The following KCNN2 variants were observed in gnomAD, a reference collection of about 807,000 sequenced individuals.
The protein encoded by KCNN2 is potassium calcium-activated channel subfamily N member 2, also known as small conductance calcium-activated potassium channel protein 2.
KCNN2 carries 24 observed loss-of-function variants against 55.5 expected under a neutral mutation model. The observed-to-expected ratio is 0.43, with a 90% confidence interval of 0.31 to 0.61. KCNN2 has a LOEUF of 0.61. Ranked by LOEUF, KCNN2 falls within the 20% of genes least tolerant of loss-of-function variation. The probability of loss-of-function intolerance (pLI) is 0.08; values close to 1 mark genes in which losing one functional copy is unlikely to be tolerated. For synonymous variants in KCNN2, 431 were observed against 336.1 expected (o/e 1.28, Z -3.09); for missense variants, 754 against 853.6 (o/e 0.88, Z 1.45).
At chr5:114,438,959 T>C (rs912016069) in intron 3 of KCNN2, among the ~76,000 whole-genome samples, 14 of 152,196 alleles carry the variant, frequency 9.2e-5, no homozygotes, top group African/African-American at 3.4e-4. Flanking sequence ...AATATGTTAA[T>C]AGAGTGTAAT....
At chr5:114,341,086 C>T (rs1757007507) in intron 2 of KCNN2, among the ~76,000 whole-genome samples, 1 of 152,146 alleles carries the variant, frequency 6.6e-6, no homozygotes, top group South Asian at 2.1e-4. Context: ...ATCCGGTCAT[C>T]CATTGGCAGA....
At chr5:114,460,967 G>A (rs1274272991) in intron 3 of KCNN2, among the ~76,000 whole-genome samples, 5 of 152,166 alleles carry the variant, frequency 3.3e-5, no homozygotes, top group Non-Finnish European at 7.3e-5. Context: ...ATAGGGTAAT[G>A]TATTTCCTGT....
intron 2 of KCNN2, among the ~76,000 whole-genome samples, chr5:114,394,136 A>T (rs1243693038): frequency 6.6e-6 from 1 of 152,182 alleles, no homozygotes; most frequent in African/African-American, 2.4e-5. Context: ...ATGCGTGAGT[A>T]CTGTTTCCTC....
At chr5:114,073,458 C>T (rs1475835616) in intron 1 of KCNN2, among the ~76,000 whole-genome samples, 1 of 152,036 alleles carries the variant, frequency 6.6e-6, no homozygotes, top group East Asian at 1.9e-4. Flanking sequence ...CATATTTTTG[C>T]TATTATAGCT....
At chr5:114,130,517 T>C (rs981510838) in intron 1 of KCNN2, among the ~76,000 whole-genome samples, 2 of 152,194 alleles carry the variant, frequency 1.3e-5, no homozygotes, top group African/African-American at 4.8e-5. Flanking sequence ...GCTCTGTGAA[T>C]TCAGATTCTG....
chr5:114,460,797 G>A (rs1761155694), intron 3 of KCNN2, among the ~76,000 whole-genome samples: 1 of 152,146 alleles, frequency 6.6e-6, no homozygotes. Context: ...CAGTAAGTAT[G>A]GTATGTACAT....
chr5:114,195,216 C>CAA (rs1561517852), intron 1 of KCNN2, among the ~76,000 whole-genome samples: 5 of 147,420 alleles, frequency 3.4e-5, no homozygotes, highest in African/African-American at 1.2e-4. Context: ...TGATTTCTGC[C>CAA]GAAAAAAAAA....
At chr5:114,309,683 G>A (rs1021928226) in intron 2 of KCNN2, among the ~76,000 whole-genome samples, 1 of 152,204 alleles carries the variant, frequency 6.6e-6, no homozygotes, top group Admixed American at 6.5e-5. Context: ...CAGGGATATG[G>A]AAAGTGGGGA....
At chr5:114,147,875 T>C (rs909846578) in intron 1 of KCNN2, among the ~76,000 whole-genome samples, 5 of 152,296 alleles carry the variant, frequency 3.3e-5, no homozygotes, top group East Asian at 3.9e-4. Context: ...GAGTGGCTTG[T>C]TGAATTTTAT....
At chr5:114,142,109 T>A (rs965223239) in intron 1 of KCNN2, among the ~76,000 whole-genome samples, 1 of 152,184 alleles carries the variant, frequency 6.6e-6, no homozygotes, top group Non-Finnish European at 1.5e-5. Context: ...GTAGTTTCTT[T>A]TGCCGTGCAG....
intron 2 of KCNN2, among the ~76,000 whole-genome samples, chr5:114,346,862 T>C (rs1757115198): frequency 6.6e-6 from 1 of 151,796 alleles, no homozygotes; most frequent in Non-Finnish European, 1.5e-5. Flanking sequence ...TCGAACATCT[T>C]GTGATGCCAG....
chr5:114,076,756 C>T (rs981862945), intron 1 of KCNN2, among the ~76,000 whole-genome samples: 38 of 152,230 alleles, frequency 2.5e-4, no homozygotes, highest in Non-Finnish European at 4.7e-4. Flanking sequence ...TGCAGTGGTG[C>T]GATCTCGGCT....
chr5:114,111,694 A>G (rs1751601552), intron 1 of KCNN2, among the ~76,000 whole-genome samples: 1 of 152,214 alleles, frequency 6.6e-6, no homozygotes, highest in Non-Finnish European at 1.5e-5. Context: ...TTTCAAAAGA[A>G]GATATTTATG....
intron 2 of KCNN2, among the ~76,000 whole-genome samples, chr5:114,243,050 G>A (rs2112618113): frequency 6.6e-6 from 1 of 152,038 alleles, no homozygotes; most frequent in Admixed American, 6.5e-5. Flanking sequence ...ATTCTAGTGG[G>A]GATGTCAGAA....
intron 2 of KCNN2, among the ~76,000 whole-genome samples, chr5:114,272,376 T>C (rs1179142107): frequency 1.5e-5 from 1 of 68,220 alleles, no homozygotes; most frequent in Non-Finnish European, 2.8e-5. Context: ...CACACATATG[T>C]ATGTACATAT....
chr5:114,129,176 A>G (rs1019858251), intron 1 of KCNN2, among the ~76,000 whole-genome samples: 3 of 152,146 alleles, frequency 2.0e-5, no homozygotes, highest in Non-Finnish European at 4.4e-5. Flanking sequence ...AATGAGGAAG[A>G]TAGGTTCCCC....
At chr5:114,167,430 A>T (rs1336969648) in intron 1 of KCNN2, among the ~76,000 whole-genome samples, 1 of 152,158 alleles carries the variant, frequency 6.6e-6, no homozygotes, top group Non-Finnish European at 1.5e-5. Context: ...CAGAGCAAAT[A>T]GAAGTGATCA....
At chr5:114,486,984 C>T (rs756980841) in intron 5 of KCNN2, 66 bp from the exon 6 acceptor site, 1 of 1,573,272 alleles carries the variant, frequency 6.4e-7, no homozygotes, top group African/African-American at 1.4e-5. Flanking sequence ...AGACTATGAC[C>T]CCCAGCAAAG....
chr5:114,479,568 A>G (rs867740226), intron 5 of KCNN2, among the ~76,000 whole-genome samples: 29 of 151,822 alleles, frequency 1.9e-4, no homozygotes, highest in Middle Eastern at 3.4e-3. Flanking sequence ...TGATAGCAAC[A>G]GAATACACAT....
Sources: gnomAD v4.1 joint callset for allele counts (sites outside exome capture counted in the v4.1 genomes callset) on GRCh38, gnomAD v4.1.1 for gene constraint, MANE v1.5 for transcripts, NCBI Gene and HGNC (gene_info 2026-07-23, HGNC 2026-07-21) for gene names.